The following TAPBPL variants were observed in gnomAD, a reference collection of about 807,000 sequenced individuals.
TAPBPL encodes the protein TAP binding protein like.
A neutral mutation model predicts 44.8 loss-of-function variants in TAPBPL; 32 were observed. The observed-to-expected ratio is 0.71, with a 90% CI of 0.54 to 0.96. TAPBPL has a LOEUF of 0.96. Ranked by LOEUF, TAPBPL falls within the 40% of genes least tolerant of loss-of-function variation. The pLI is 0.00. For synonymous variants in TAPBPL, 230 were observed against 240.7 expected (o/e 0.96, Z 0.41); for missense variants, 520 against 586.6 (o/e 0.89, Z 1.17).
rs1949728257 is a variant in TAPBPL, at chr12:6,457,426, C to G, written c.586C>G (p.Gln196Glu). The G allele has an allele frequency of 6.2e-7, 1 of 1,614,050 alleles. No homozygotes were observed. Among genetic ancestry groups the G allele is most frequent in the East Asian group, 2.2e-5 (1 of 44,884 alleles). ...RTAVEFQVMT[Q>E]TQSLSFLLGS... Reference sequence around the variant, plus strand: ...CACAGTGGAGTTCCAGGTGATGACACAGACCCAATCCCTGAGCTTCCTGCT... The same window carrying G: ...CACAGTGGAGTTCCAGGTGATGACAGAGACCCAATCCCTGAGCTTCCTGCT... The change falls in exon 4 of 7, where the codon CAG (glutamine) becomes GAG (glutamate). Residue 196 changes from glutamine (Q) to glutamate (E), a missense_variant. Transcript: ENST00000266556.
downstream of TAPBPL, chr12:6,464,312 G>A: frequency 3.2e-6 from 5 of 1,546,398 alleles, no homozygotes; most frequent in Non-Finnish European, 4.4e-6. Flanking sequence ...TTGAGGGACA[G>A]AGTGCAAATG....
chr12:6,466,547 A>G, downstream of TAPBPL: 3 of 510,392 alleles, frequency 5.9e-6, no homozygotes, highest in Non-Finnish European at 1.0e-5. Flanking sequence ...AAGGACTCAC[A>G]TGCATCCTCA....
chr12:6,469,471 T>C (rs147277928), downstream of TAPBPL, among the ~76,000 whole-genome samples: 2 of 152,238 alleles, frequency 1.3e-5, no homozygotes, highest in Non-Finnish European at 2.9e-5. Flanking sequence ...AACACTCATA[T>C]CTGGTTAAAA....
intron 3 of TAPBPL, among the ~76,000 whole-genome samples, chr12:6,454,615 CACATGATGCTATTCTGT>C (rs1247860344): frequency 2.0e-5 from 3 of 152,162 alleles, no homozygotes; most frequent in African/African-American, 7.2e-5. Flanking sequence ...GGAAATAAGA[CACATGATGCTATTCTGT>C]ACATGGGTGC....
At chr12:6,466,316 T>C (rs1204784185), downstream of TAPBPL, 1 of 1,614,000 alleles carries the variant, frequency 6.2e-7, no homozygotes, top group African/African-American at 1.3e-5. Flanking sequence ...GGCAGTCCCT[T>C]CTGTCCCTTC....
At chr12:6,467,656 T>A (rs1053329171), downstream of TAPBPL, among the ~76,000 whole-genome samples, 1 of 152,202 alleles carries the variant, frequency 6.6e-6, no homozygotes. Context: ...CCTAAGACCA[T>A]GGGGAAAATG....
downstream of TAPBPL, chr12:6,462,726 C>T: frequency 1.6e-6 from 2 of 1,227,664 alleles, no homozygotes; most frequent in Non-Finnish European, 2.3e-6. Flanking sequence ...AGTGGTGGTT[C>T]TTCTCCAGCG....
At chr12:6,457,042 G>T (rs928489282) in intron 3 of TAPBPL, among the ~76,000 whole-genome samples, 14 of 152,212 alleles carry the variant, frequency 9.2e-5, no homozygotes, top group Non-Finnish European at 1.8e-4. Flanking sequence ...CTTGTCAAAG[G>T]TCACGGAGCC....
At chr12:6,458,520 A>C in intron 4 of TAPBPL, 125 bp from the exon 5 acceptor site, 5 of 1,171,526 alleles carry the variant, frequency 4.3e-6, no homozygotes, top group Non-Finnish European at 6.0e-6. Flanking sequence ...CCGCCTTGGT[A>C]CACCACCAAG....
chr12:6,461,466 T>A (rs775838214), intron 6 of TAPBPL: 2 of 995,744 alleles, frequency 2.0e-6, no homozygotes, highest in South Asian at 8.4e-5. Context: ...GAGGCATGGG[T>A]TGGGGCTGGG....
chr12:6,463,472 A>G (rs1215299977), downstream of TAPBPL: 11 of 1,039,892 alleles, frequency 1.1e-5, no homozygotes, highest in Non-Finnish European at 1.3e-5. The surrounding 1 kb of genome is among the most constrained non-coding windows in gnomAD (Gnocchi z 4.0). Context: ...AAGATCTCAC[A>G]CTGCTAACAC....
rs757058767 is a variant in TAPBPL at position 6,462,199 on chromosome 12, C to G, written c.*50C>G. ...AAAGAAACGACACCCTTCCCCAAGCCCCCACAGCTACTCCAACCCAAACAA... is the reference window on the plus strand; with the variant it reads ...AAAGAAACGACACCCTTCCCCAAGCGCCCACAGCTACTCCAACCCAAACAA... On this transcript the variant is annotated 3_prime_UTR_variant, in exon 7 of 7. Transcript: ENST00000266556. The G allele has an allele frequency of 1.3e-6, 2 of 1,487,658 alleles. No individual in the cohort carries two copies. The highest frequency in any genetic ancestry group is 1.8e-6 in the Non-Finnish European group (2 of 1,091,992). The allele number at this position is 1,487,658 out of a possible 1,614,324, so 92.2% of individuals were successfully genotyped here.
At chr12:6,462,510 G>T, downstream of TAPBPL, 1 of 499,078 alleles carries the variant, frequency 2.0e-6, no homozygotes, top group Non-Finnish European at 3.6e-6. Context: ...GCACATGGGT[G>T]GTGGGAGGAA....
upstream of TAPBPL, chr12:6,451,986 C>T (rs758925895): frequency 3.6e-4 from 195 of 537,072 alleles, no homozygotes; most frequent in Non-Finnish European, 4.7e-5. Flanking sequence ...AGGGGATTTC[C>T]GGGTGAGGTG....
At chr12:6,455,482 T>A (rs1949679571) in intron 3 of TAPBPL, among the ~76,000 whole-genome samples, 3 of 152,132 alleles carry the variant, frequency 2.0e-5, no homozygotes, top group Admixed American at 6.5e-5. Context: ...GGCTTTATAG[T>A]CTCACCATCT....
At chr12:6,462,371 G>A (rs1225349886), downstream of TAPBPL, 34 of 507,796 alleles carry the variant, frequency 6.7e-5, no homozygotes, top group East Asian at 1.0e-3. Flanking sequence ...AGGAAAAAAA[G>A]ACAAAGAGGT....
rs954705062 is a variant in TAPBPL at position 6,461,322 on chromosome 12, G to A, written c.1291+384G>A. The stretch of plus-strand genomic sequence containing the variant: ...CCCTGGGCTCATGCACCAAGGCAGA[G>A]AACAGGAAGAAGTGAGGGGACAAGA... On this transcript the variant is annotated intron_variant, in intron 6 of 6. Transcript: ENST00000266556. The A allele has an allele frequency of 3.0e-4, 314 of 1,043,884 alleles. 5 individuals are homozygous for A. Among genetic ancestry groups the A allele is most frequent in the Non-Finnish European group, 6.7e-5 (58 of 862,710 alleles). The allele number at this position is 1,043,884 out of a possible 1,614,324, so 64.7% of individuals were successfully genotyped here. A position where few individuals can be genotyped will look rare whatever the true frequency, so the allele number is the denominator to read the frequency against.
At position 6,458,770 on chromosome 12, in the gene TAPBPL, C is replaced by T; in HGVS notation, c.1030C>T (p.Pro344Ser). The T allele has an allele frequency of 6.2e-7, 1 of 1,614,164 alleles. No homozygotes were observed. The highest frequency in any genetic ancestry group is 1.1e-5 in the South Asian group (1 of 91,088). The change falls in exon 5 of 7, where the codon CCA becomes TCA. Residue 344 changes from proline to serine, a missense_variant. Physicochemically the swap from Pro to Ser is moderately conservative, Grantham distance 74 (BLOSUM62 -1). Transcript: ENST00000266556. Reference sequence around the variant, plus strand: ...GACCCGAGAGGAGCTGGGTGGATCCCCAGCCCAAGTCTCTGGTGCCTCCTT... The same window carrying T: ...GACCCGAGAGGAGCTGGGTGGATCCTCAGCCCAAGTCTCTGGTGCCTCCTT... ...TWTREELGGS[P>S]AQVSGASFSS...
Position 6,453,729 on chromosome 12 carries a change from AAAGC to A in TAPBPL, c.565+17_565+20del. 1.9e-6 allele frequency: 3 copies of A among 1,575,888 alleles called. No individual in the cohort carries two copies. The highest frequency in any genetic ancestry group is 2.6e-6 in the Non-Finnish European group (3 of 1,160,988). On this transcript the variant is annotated intron_variant, in intron 3 of 6. Transcript: ENST00000266556. The surrounding 1 kb of genome is among the most constrained non-coding windows in gnomAD (Gnocchi z 4.8). ...GTGCGAACTGCAGGTAAGAAAATGA[AAAGC>A]AAGGCCAGGTGTGGTGGCTCACGCC...
Sources: gnomAD v4.1 joint callset for allele counts (sites outside exome capture counted in the v4.1 genomes callset) on GRCh38, gnomAD v4.1.1 for gene constraint, Gnocchi (gnomAD v3.1) non-coding constraint, MANE v1.5 for transcripts, NCBI Gene and HGNC (gene_info 2026-07-23, HGNC 2026-07-21) for gene names.